The following DYNC2H1 variants were observed in gnomAD, a reference collection of about 807,000 sequenced individuals.
The protein encoded by DYNC2H1 is dynein cytoplasmic 2 heavy chain 1.
DYNC2H1 carries 410 observed loss-of-function variants against 570.0 expected under a neutral mutation model. The observed-to-expected ratio is 0.72, with a 90% CI of 0.66 to 0.78. The LOEUF (loss-of-function observed/expected upper bound fraction) is 0.78, where lower values mean the gene tolerates loss of function less well. DYNC2H1 is among the 30% of genes least tolerant of loss of function. DYNC2H1 has a pLI of 0.00. For synonymous variants in DYNC2H1, 1,688 were observed against 1,677.6 expected (o/e 1.01, Z -0.15); for missense variants, 4,865 against 5,046.4 (o/e 0.96, Z 1.09).
chr11:103,253,506 A>C, intron 66 of DYNC2H1, 58 bp downstream of exon 66: 1 of 1,453,130 alleles, frequency 6.9e-7, no homozygotes, highest in Non-Finnish European at 9.3e-7. Flanking sequence ...TATACCTATT[A>C]GACATTGTGA....
At chr11:103,389,935 A>G (rs2135602331) in intron 83 of DYNC2H1, among the ~76,000 whole-genome samples, 1 of 152,092 alleles carries the variant, frequency 6.6e-6, no homozygotes, top group African/African-American at 2.4e-5. Flanking sequence ...TCAATTTTGG[A>G]ATAGGTGTGG....
At chr11:103,263,859 A>G (rs1044241629) in intron 70 of DYNC2H1, among the ~76,000 whole-genome samples, 13 of 152,214 alleles carry the variant, frequency 8.5e-5, no homozygotes, top group African/African-American at 1.7e-4. Flanking sequence ...AACAGCTATC[A>G]GAGCAGAACT....
chr11:103,184,959 G>T lies in DYNC2H1; in HGVS notation c.6541G>T (p.Gly2181Cys). The stretch of plus-strand genomic sequence containing the variant: ...GATGAATGGTTTGTCACATCTACAT[G>T]GTTGCAGAGATCATGACGAATTCAT... The part of the protein sequence containing the change: ...TVMNGLSHLH[G>C]CRDHDEFIIN... The change falls in exon 41 of 89, where the codon GGT becomes TGT. Residue 2181 changes from glycine to cysteine, a missense_variant. Physicochemically the swap from Gly to Cys is radical, Grantham distance 159. Around this residue, in one of 5 missense-constraint regions of DYNC2H1, gnomAD observed 231 missense variants for 310.3 expected, o/e 0.74. Coordinates refer to ENST00000375735, the MANE Select transcript of DYNC2H1 (RefSeq NM_001377.3). 1 of 1,611,242 alleles carries T rather than the reference G, an allele frequency of 6.2e-7. No homozygotes were observed. Among genetic ancestry groups the T allele is most frequent in the South Asian group, 1.1e-5 (1 of 90,968 alleles).
At chr11:103,462,702 T>C (rs1261152816) in intron 87 of DYNC2H1, among the ~76,000 whole-genome samples, 1 of 152,362 alleles carries the variant, frequency 6.6e-6, no homozygotes, top group African/African-American at 2.4e-5. Flanking sequence ...GTTGATAGTT[T>C]CCAGCAGTGT....
intron 87 of DYNC2H1, among the ~76,000 whole-genome samples, chr11:103,464,281 C>CAAACCTTATTTTGTATTTAAATGAAA (rs1945121442): frequency 6.6e-6 from 1 of 151,976 alleles, no homozygotes; most frequent in African/African-American, 2.4e-5. Flanking sequence ...AAAATGTAGT[C>CAAACCTTATTTTGTATTTAAATGAAA]TTTAAATGAA....
intron 75 of DYNC2H1, among the ~76,000 whole-genome samples, chr11:103,297,323 T>C (rs1276373069): frequency 6.6e-6 from 1 of 152,128 alleles, no homozygotes; most frequent in Non-Finnish European, 1.5e-5. Flanking sequence ...TTAGCAGTGT[T>C]GTTTAACAAA....
At chr11:103,316,859 T>C (rs1176191326) in intron 80 of DYNC2H1, among the ~76,000 whole-genome samples, 1 of 152,126 alleles carries the variant, frequency 6.6e-6, no homozygotes, top group African/African-American at 2.4e-5. Context: ...TTTCACTTTG[T>C]GGCTTTCAAA....
intron 34 of DYNC2H1, among the ~76,000 whole-genome samples, chr11:103,171,872 A>G (rs1175129904): frequency 1.3e-5 from 2 of 152,070 alleles, no homozygotes; most frequent in Non-Finnish European, 1.5e-5. Context: ...CATGTTTTTG[A>G]TCATTATTCT....
Position 103,156,555 on chromosome 11 carries a change from T to C in DYNC2H1, c.3912T>C (p.Asp1304=), listed in dbSNP as rs1342564636. ...AAGATATAGTAAATCAGGTTGGAGATAATAGATGCCTTCTCCAATCCTTAA... is the reference window on the plus strand; with the variant it reads ...AAGATATAGTAAATCAGGTTGGAGACAATAGATGCCTTCTCCAATCCTTAA... ...DWKDIVNQVG[D]NRCLLQSLKD... The change falls in exon 26 of 89, where the codon GAT becomes GAC. Residue 1304 remains aspartate, a synonymous_variant. Transcript: ENST00000375735. 3 of 1,613,630 alleles carry C rather than the reference T, an allele frequency of 1.9e-6. No homozygotes were observed. Among genetic ancestry groups the C allele is most frequent in the African/African-American group, 2.7e-5 (2 of 74,932 alleles).
chr11:103,291,865 T>C (rs1220576837), intron 75 of DYNC2H1, among the ~76,000 whole-genome samples: 2 of 151,786 alleles, frequency 1.3e-5, no homozygotes, highest in Non-Finnish European at 2.9e-5. Context: ...GATATAATTA[T>C]AGCTACTTCT....
chr11:103,245,204 AT>A lies in DYNC2H1; in HGVS notation c.9919-45del, dbSNP rs1285572218. ...AATCAAAGAAAGGATGTTTGTAAAT[AT>A]TAAAGTAATTAAATAATTAATACGT... On this transcript the variant is annotated intron_variant, in intron 64 of 88. Transcript: ENST00000375735. This position sits in a 1 kb window ranked among gnomAD's most constrained non-coding sequence, Gnocchi z 4.5. 19 of 1,384,298 alleles carry A rather than the reference AT, an allele frequency of 1.4e-5. No individual in the cohort carries two copies. The highest frequency in any genetic ancestry group is 2.5e-4 in the Middle Eastern group (1 of 4,012). The allele number at this position is 1,384,298 out of a possible 1,614,324, so 85.8% of individuals were successfully genotyped here. A position where few individuals can be genotyped will look rare whatever the true frequency, so the allele number is the denominator to read the frequency against.
intron 84 of DYNC2H1, among the ~76,000 whole-genome samples, chr11:103,412,569 C>T (rs752362837): frequency 4.6e-5 from 7 of 151,964 alleles, no homozygotes; most frequent in Non-Finnish European, 7.4e-5. Context: ...CTTTTAAAGC[C>T]AACATATCTA....
At chr11:103,335,735 C>T (rs7931906) in intron 82 of DYNC2H1, among the ~76,000 whole-genome samples, 39,400 of 151,806 alleles carry the variant, frequency 0.26, 5,354 homozygotes, top group Admixed American at 0.34. Flanking sequence ...GTATATGTGG[C>T]GTTATCCTTT....
chr11:103,335,700 C>T lies in DYNC2H1; in HGVS notation c.12039+11710C>T, dbSNP rs190147958. Among the ~76,000 whole-genome samples the T allele has an allele frequency of 7.9e-4, 120 of 152,106 alleles. 2 individuals carry two copies. The highest frequency in any genetic ancestry group is 3.9e-3 in the East Asian group (20 of 5,178). On this transcript the variant is annotated intron_variant, in intron 82 of 88. Transcript: ENST00000375735. ...TTAAAATTGTGATTTTATCTTTTCCCATATACAGTTCATTAGTTTTTAGTG... is the reference window on the plus strand; with the variant it reads ...TTAAAATTGTGATTTTATCTTTTCCTATATACAGTTCATTAGTTTTTAGTG...
intron 82 of DYNC2H1, among the ~76,000 whole-genome samples, chr11:103,332,213 C>A (rs2135463219): frequency 6.9e-6 from 1 of 145,928 alleles, no homozygotes; most frequent in South Asian, 2.2e-4. Flanking sequence ...CTGTCTTCAA[C>A]AAGTTTATAG....
At chr11:103,397,245 A>G (rs1942437180) in intron 83 of DYNC2H1, among the ~76,000 whole-genome samples, 1 of 152,178 alleles carries the variant, frequency 6.6e-6, no homozygotes, top group Non-Finnish European at 1.5e-5. Flanking sequence ...TAAGGACAAG[A>G]TGAACTTTAA....
In DYNC2H1 at chr11:103,120,734, C is replaced by G. The variant is rs1187609548; in HGVS notation, c.1180C>G (p.Pro394Ala). ...GTCTCAATATGAAAAGATTATTGCACCTGCGGAACAAAAAATAGCAGGAAA... is the reference window on the plus strand; with the variant it reads ...GTCTCAATATGAAAAGATTATTGCAGCTGCGGAACAAAAAATAGCAGGAAA... ...AVSQYEKIIAPAEQKIAGKLK... is the reference protein window; with the variant it reads ...AVSQYEKIIAAAEQKIAGKLK... Residue 394 changes from proline (P) to alanine (A), a missense_variant, in exon 8 of 89, where the codon CCT becomes GCT. Physicochemically the swap from Pro to Ala is conservative, Grantham distance 27 (BLOSUM62 -1). This residue lies in a region of DYNC2H1 where 1,936 missense variants were observed against 1,962.1 expected (regional missense o/e 0.99). Transcript: ENST00000375735. 6.2e-7 allele frequency: 1 copy of G among 1,606,810 alleles called. No individual in the cohort carries two copies. Among genetic ancestry groups the G allele is most frequent in the Admixed American group, 1.7e-5 (1 of 58,972 alleles).
intron 83 of DYNC2H1, among the ~76,000 whole-genome samples, chr11:103,394,944 C>G (rs1271052795): frequency 6.6e-6 from 1 of 151,892 alleles, no homozygotes; most frequent in Non-Finnish European, 1.5e-5. Context: ...CTGAACTCAC[C>G]AAACTCAAAA....
In DYNC2H1 at chr11:103,412,342, T is replaced by TAAAA. The variant is rs1439662025; in HGVS notation, c.12366+12470_12366+12471insAAAA. 3.3e-5 allele frequency among the ~76,000 whole-genome samples: 5 copies of TAAAA among 152,248 alleles called. No individual in the cohort carries two copies. The East Asian group carries it at 7.7e-4, about 23-fold the overall frequency. On this transcript the variant is annotated intron_variant, in intron 84 of 88. Coordinates refer to ENST00000375735, the MANE Select transcript of DYNC2H1 (RefSeq NM_001377.3). ...CTTATGATGATCTGCTAAAACTTTT[T>TAAAA]TAAATACACAATATTTATAATTTGC...
Sources: allele counts gnomAD v4.1 joint callset (sites outside exome capture counted in the v4.1 genomes callset), GRCh38; gene constraint gnomAD v4.1.1; regional missense constraint gnomAD v4.1.1; non-coding constraint Gnocchi (gnomAD v3.1); transcripts MANE v1.5; gene names NCBI Gene and HGNC (gene_info 2026-07-23, HGNC 2026-07-21).